Variants in PTPRD observed in about 807,000 individuals in gnomAD.
The protein encoded by PTPRD is receptor-type tyrosine-protein phosphatase delta.
A neutral mutation model predicts 214.5 loss-of-function variants in PTPRD; 34 were observed. The observed-to-expected ratio is 0.16, with a 90% CI of 0.12 to 0.21. PTPRD has a LOEUF of 0.21. PTPRD is among the 10% of genes least tolerant of loss of function. The pLI is 1.00. For missense variants in PTPRD, 2,545 were observed against 2,398.7 expected (o/e 1.06, Z -1.27); for synonymous variants, 1,128 against 845.7 (o/e 1.33, Z -5.79).
chr9:9,287,222 C>T (rs1450504697), intron 9 of PTPRD, among the ~76,000 whole-genome samples: 2 of 151,556 alleles, frequency 1.3e-5, no homozygotes, highest in Admixed American at 1.3e-4. Context: ...AAGACTCTGT[C>T]ATCCCACCCC....
At chr9:8,821,021 G>GCC (rs1187764578) in intron 11 of PTPRD, among the ~76,000 whole-genome samples, 1 of 152,096 alleles carries the variant, frequency 6.6e-6, no homozygotes, top group African/African-American at 2.4e-5. Context: ...TCAACTTATA[G>GCC]CCACCTCCCT....
chr9:10,270,176 T>A (rs1472291055), intron 3 of PTPRD, among the ~76,000 whole-genome samples: 1 of 152,150 alleles, frequency 6.6e-6, no homozygotes, highest in Non-Finnish European at 1.5e-5. Context: ...ATTACATACA[T>A]ATATTTTTAA....
At chr9:9,909,916 T>C (rs2078710472) in intron 5 of PTPRD, among the ~76,000 whole-genome samples, 1 of 151,972 alleles carries the variant, frequency 6.6e-6, no homozygotes, top group Admixed American at 6.6e-5. Context: ...ACATATTCTT[T>C]GTAATACCTA....
chr9:8,869,334 A>C (rs2098253595), intron 11 of PTPRD, among the ~76,000 whole-genome samples: 1 of 152,238 alleles, frequency 6.6e-6, no homozygotes, highest in South Asian at 2.1e-4. Flanking sequence ...CCAAGAGTTA[A>C]CATAATGCCT....
chr9:9,393,537 AT>A (rs1195956725), intron 9 of PTPRD, among the ~76,000 whole-genome samples: 1 of 152,162 alleles, frequency 6.6e-6, no homozygotes, highest in East Asian at 1.9e-4. Flanking sequence ...ATTGACACTT[AT>A]TGGAGTGGAA....
chr9:10,260,978 GTA>G (rs971905628), intron 3 of PTPRD, among the ~76,000 whole-genome samples: 2 of 146,460 alleles, frequency 1.4e-5, no homozygotes, highest in African/African-American at 5.1e-5. Flanking sequence ...ATATATGTGT[GTA>G]TATATATGTA....
chr9:8,610,740 G>C lies in PTPRD; in HGVS notation c.352+22577C>G, dbSNP rs985353419. Among the ~76,000 whole-genome samples, 4 of 152,146 alleles carry C rather than the reference G, an allele frequency of 2.6e-5. No individual in the cohort carries two copies. The East Asian group carries it at 7.7e-4, about 29-fold the overall frequency. ...AGTTACAGGGACATTATTTCATCCAGTCTAGTTCTGCTGTGTTATTCTACT... is the reference window on the plus strand; with the variant it reads ...AGTTACAGGGACATTATTTCATCCACTCTAGTTCTGCTGTGTTATTCTACT... On this transcript the variant is annotated intron_variant, in intron 14 of 45. Transcript: ENST00000381196.
At chr9:9,246,688 C>A (rs137855284) in intron 9 of PTPRD, among the ~76,000 whole-genome samples, 1 of 152,012 alleles carries the variant, frequency 6.6e-6, no homozygotes, top group Non-Finnish European at 1.5e-5. Context: ...AGTAAGCCCA[C>A]CGGCAACATC....
At chr9:8,664,898 T>A (rs1025548) in intron 12 of PTPRD, among the ~76,000 whole-genome samples, 95,893 of 152,096 alleles carry the variant, frequency 0.63, 30,498 homozygotes, top group East Asian at 0.86. Context: ...ATTCAACTTC[T>A]AACAATAACA....
intron 30 of PTPRD, among the ~76,000 whole-genome samples, chr9:8,481,631 C>G (rs2135595732): frequency 1.3e-5 from 2 of 152,214 alleles, no homozygotes; most frequent in South Asian, 4.1e-4. Flanking sequence ...CTCTCTGTGT[C>G]CTCTACTGGC....
At chr9:9,444,117 T>TTTTAGAAAG (rs1470382480) in intron 8 of PTPRD, among the ~76,000 whole-genome samples, 1 of 152,160 alleles carries the variant, frequency 6.6e-6, no homozygotes, top group Non-Finnish European at 1.5e-5. Context: ...TTTATTAAAT[T>TTTTAGAAAG]TTTAGAAAGT....
intron 14 of PTPRD, among the ~76,000 whole-genome samples, chr9:8,532,243 G>C (rs765457700): frequency 6.6e-6 from 1 of 151,768 alleles, no homozygotes; most frequent in Non-Finnish European, 1.5e-5. Context: ...TCAGGTATTT[G>C]GCAATAAAAC....
intron 11 of PTPRD, among the ~76,000 whole-genome samples, chr9:8,755,633 G>C (rs1024218644): frequency 1.9e-4 from 29 of 151,692 alleles, no homozygotes; most frequent in African/African-American, 6.8e-4. Flanking sequence ...TCAAATACTT[G>C]TTTACAGCAA....
At chr9:8,417,135 A>G (rs2093996185) in intron 35 of PTPRD, among the ~76,000 whole-genome samples, 2 of 152,174 alleles carry the variant, frequency 1.3e-5, no homozygotes, top group Admixed American at 1.3e-4. Context: ...TGTTATTGCC[A>G]AAATTTTTTG....
At chr9:9,002,592 C>T (rs951174708) in intron 11 of PTPRD, among the ~76,000 whole-genome samples, 6 of 152,010 alleles carry the variant, frequency 3.9e-5, no homozygotes, top group Admixed American at 1.3e-4. Context: ...AACAATAAGG[C>T]CCTTTATGAT....
chr9:9,795,181 C>T (rs575493093), intron 5 of PTPRD, among the ~76,000 whole-genome samples: 4 of 152,328 alleles, frequency 2.6e-5, no homozygotes, highest in African/African-American at 9.6e-5. Flanking sequence ...CACACTTTTG[C>T]TCCTGTCCTA....
In PTPRD at chr9:8,929,966, T is replaced by TAC. The variant is rs1376436856; in HGVS notation, c.-104+88730_-104+88731insGT. Among the ~76,000 whole-genome samples, 68 of 113,984 alleles carry TAC rather than the reference T, an allele frequency of 6.0e-4. 4 individuals carry two copies. Among genetic ancestry groups the TAC allele is most frequent in the African/African-American group, 1.6e-3 (47 of 29,634 alleles). 74.8% of individuals were successfully genotyped at this position (113,984 alleles called of 152,430 possible). ...ATGTGTGTGTGTGTATATATATATA[T>TAC]AACTATTATTATACTTTAAGTTCTA... is the stretch of plus-strand genomic sequence containing the variant. On this transcript the variant is annotated intron_variant, in intron 11 of 45. Transcript: ENST00000381196.
chr9:8,439,545 C>T (rs2095472182), intron 34 of PTPRD, among the ~76,000 whole-genome samples: 1 of 151,952 alleles, frequency 6.6e-6, no homozygotes, highest in Non-Finnish European at 1.5e-5. Flanking sequence ...CTTTCATTAG[C>T]CAAAATGTAT....
At chr9:8,716,637 A>G (rs1399300700) in intron 12 of PTPRD, among the ~76,000 whole-genome samples, 1 of 128,314 alleles carries the variant, frequency 7.8e-6, no homozygotes, top group Non-Finnish European at 1.5e-5. Flanking sequence ...AACCTAGGGG[A>G]TGGTTCACAT....
Sources: allele counts gnomAD v4.1 joint callset (sites outside exome capture counted in the v4.1 genomes callset), GRCh38; gene constraint gnomAD v4.1.1; transcripts MANE v1.5; gene names NCBI Gene and HGNC (gene_info 2026-07-23, HGNC 2026-07-21).